Variants in USP12 observed in about 807,000 individuals in gnomAD.
USP12 encodes the protein ubiquitin specific peptidase 12, also known as ubiquitin carboxyl-terminal hydrolase 12.
In USP12, 19 loss-of-function variants were observed where a neutral mutation model predicts 45.5. The observed-to-expected ratio is 0.42, with a 90% CI of 0.29 to 0.61. The LOEUF (loss-of-function observed/expected upper bound fraction) is 0.61. Among genes scored for constraint, USP12 ranks in the 20% least tolerant of loss-of-function variants. The probability of loss-of-function intolerance (pLI) is 0.22; values close to 1 mark genes in which losing one functional copy is unlikely to be tolerated. For missense variants in USP12, 242 were observed against 447.7 expected (o/e 0.54, Z 4.15); for synonymous variants, 149 against 148.8 (o/e 1.00, Z -0.01).
rs1305118935 is a variant in USP12 at position 27,068,402 on chromosome 13, T to C, written c.*881A>G. The C allele has an allele frequency of 3.3e-5, 5 of 152,576 alleles. No homozygotes were observed. Among genetic ancestry groups the C allele is most frequent in the Non-Finnish European group, 7.3e-5 (5 of 68,034 alleles). The allele number at this position is 152,576 out of a possible 1,614,324, so 9.5% of individuals were successfully genotyped here. A position where few individuals can be genotyped will look rare whatever the true frequency, so the allele number is the denominator to read the frequency against. ...TTTAGCCAGAGATATCAGTTCCTCC[T>C]GAAAAAGGATATTTATCTCCTCTCA... On this transcript the variant is annotated 3_prime_UTR_variant, in exon 9 of 9. Coordinates refer to ENST00000282344, the MANE Select transcript of USP12 (RefSeq NM_182488.4).
chr13:27,135,132 A>G (rs1876742260), intron 1 of USP12, among the ~76,000 whole-genome samples: 1 of 152,118 alleles, frequency 6.6e-6, no homozygotes, highest in Non-Finnish European at 1.5e-5. Context: ...TAAGAAAAAT[A>G]CAAAAATTAG....
In USP12 at chr13:27,067,345, G is replaced by A. The variant is rs1194691389; in HGVS notation, c.*1938C>T. 6.6e-6 allele frequency: 1 copy of A among 152,080 alleles called. No homozygotes were observed. The highest frequency in any genetic ancestry group is 1.9e-4 in the East Asian group (1 of 5,198). 9.4% of individuals were successfully genotyped at this position (152,080 alleles called of 1,614,324 possible). A position where few individuals can be genotyped will look rare whatever the true frequency, so the allele number is the denominator to read the frequency against. ...GGTTTAAGCCTTCAAAATAAAAAGA[G>A]TGCATCCACTTCCACTGCCCTGACT... On this transcript the variant is annotated 3_prime_UTR_variant, in exon 9 of 9. Transcript: ENST00000282344.
At position 27,077,897 on chromosome 13, in the gene USP12, G is replaced by A. The variant is rs978352787; in HGVS notation, c.735-2509C>T. On this transcript the variant is annotated intron_variant, in intron 6 of 8. Coordinates refer to ENST00000282344, the MANE Select transcript of USP12 (RefSeq NM_182488.4). ...TTACATTAGGGAGGTCTTGATCACT[G>A]TCATTGTTTTAAAAAAAAAAGTGGT... 3.5e-4 allele frequency: 53 copies of A among 150,894 alleles called. 2 individuals are homozygous for A. The highest frequency in any genetic ancestry group is 1.2e-3 in the African/African-American group (51 of 41,080). 9.3% of individuals were successfully genotyped at this position (150,894 alleles called of 1,614,324 possible). A position where few individuals can be genotyped will look rare whatever the true frequency, so the allele number is the denominator to read the frequency against.
Position 27,076,608 on chromosome 13 carries a change from C to T in USP12, c.735-1220G>A, listed in dbSNP as rs545769598. ...GAAAGCATTCCCTTCATTTTTATTT[C>T]CCCACTATCTAGCAACATGCCTGAC... On this transcript the variant is annotated intron_variant, in intron 6 of 8. Coordinates refer to ENST00000282344, the MANE Select transcript of USP12 (RefSeq NM_182488.4). Among the ~76,000 whole-genome samples the T allele has an allele frequency of 2.6e-5, 4 of 152,250 alleles. No individual in the cohort carries two copies. In the South Asian group the frequency reaches 8.3e-4, roughly 32 times the overall value.
chr13:27,089,524 A>C (rs1874217104), intron 6 of USP12: 1 of 176,146 alleles, frequency 5.7e-6, no homozygotes, highest in African/African-American at 2.4e-5. Flanking sequence ...TAGGAAAAGC[A>C]GAAACTGGGG....
At position 27,069,649 on chromosome 13, in the gene USP12, CA is replaced by C. The variant is rs150652156; in HGVS notation, c.1012-266del. On this transcript the variant is annotated intron_variant, in intron 8 of 8. Coordinates refer to ENST00000282344, the MANE Select transcript of USP12 (RefSeq NM_182488.4). Reference sequence around the variant, plus strand: ...ACCACTAATAACTATTTTGGACCAACAAAATGGTAACTTCTAGGCTGGGCAC... The same window carrying C: ...ACCACTAATAACTATTTTGGACCAACAAATGGTAACTTCTAGGCTGGGCAC... Among the ~76,000 whole-genome samples the C allele has an allele frequency of 7.0e-3, 1,071 of 152,256 alleles. 15 individuals carry two copies. Among genetic ancestry groups the C allele is most frequent in the African/African-American group, 0.024 (1,014 of 41,546 alleles).
intron 1 of USP12, among the ~76,000 whole-genome samples, chr13:27,130,678 C>T (rs1420594835): frequency 1.3e-5 from 2 of 152,074 alleles, no homozygotes; most frequent in Non-Finnish European, 2.9e-5. Context: ...TTAAATCAAT[C>T]GTATCAACGG....
chr13:27,148,674 A>ATTT (rs1175635000), intron 1 of USP12, among the ~76,000 whole-genome samples: 1,211 of 87,802 alleles, frequency 0.014, 54 homozygotes, highest in Admixed American at 0.14. Flanking sequence ...AAAAAAAAAA[A>ATTT]ATTATATATA....
At chr13:27,117,882 A>T in intron 1 of USP12, 2 of 513,608 alleles carry the variant, frequency 3.9e-6, no homozygotes, top group Non-Finnish European at 7.8e-6. Flanking sequence ...CCTGAGCACC[A>T]TGGTGGGGGA....
chr13:27,093,870 C>T (rs1242533767), intron 4 of USP12, among the ~76,000 whole-genome samples: 3 of 152,258 alleles, frequency 2.0e-5, no homozygotes, highest in East Asian at 3.9e-4. Flanking sequence ...GTTATCAAGC[C>T]TTAAAAAGAC....
chr13:27,107,109 G>C (rs1033576677), intron 2 of USP12, among the ~76,000 whole-genome samples: 1 of 152,138 alleles, frequency 6.6e-6, no homozygotes, highest in Admixed American at 6.5e-5. Context: ...CGGATCACTT[G>C]AGGTTAGAAG....
At chr13:27,170,427 T>G (rs1216658638) in intron 1 of USP12, 2 of 398,068 alleles carry the variant, frequency 5.0e-6, no homozygotes, top group Admixed American at 8.8e-5. Context: ...CAGTGAGGCA[T>G]GAAACACAAG....
rs1873018532 is a variant in USP12, at chr13:27,066,849, G to T, written c.*2434C>A. The T allele has an allele frequency of 6.6e-6, 1 of 152,084 alleles. No homozygotes were observed. Among genetic ancestry groups the T allele is most frequent in the Admixed American group, 6.5e-5 (1 of 15,270 alleles). 9.4% of individuals were successfully genotyped at this position (152,084 alleles called of 1,614,324 possible). ...CAACCTCACGATGCTTTCTTCATGGGTCACTTTTCTTACTTACTATACCTG... is the reference window on the plus strand; with the variant it reads ...CAACCTCACGATGCTTTCTTCATGGTTCACTTTTCTTACTTACTATACCTG... On this transcript the variant is annotated 3_prime_UTR_variant, in exon 9 of 9. Transcript: ENST00000282344.
Position 27,168,508 on chromosome 13 carries a change from C to T in USP12, c.48+3084G>A, listed in dbSNP as rs148779889. 1.9e-3 allele frequency among the ~76,000 whole-genome samples: 284 copies of T among 152,326 alleles called. 1 individual carries two copies. Among genetic ancestry groups the T allele is most frequent in the Admixed American group, 2.7e-3 (42 of 15,298 alleles). Reference sequence around the variant, plus strand: ...CTGTCACTTTTCCCGTTATTTCACACTTATTAAGTATAATATTAAATATCA... The same window carrying T: ...CTGTCACTTTTCCCGTTATTTCACATTTATTAAGTATAATATTAAATATCA... On this transcript the variant is annotated intron_variant, in intron 1 of 8. Coordinates refer to ENST00000282344, the MANE Select transcript of USP12 (RefSeq NM_182488.4).
intron 1 of USP12, among the ~76,000 whole-genome samples, chr13:27,157,206 G>A (rs530389198): frequency 6.6e-6 from 1 of 152,238 alleles, no homozygotes; most frequent in African/African-American, 2.4e-5. Flanking sequence ...ATCATGTTTT[G>A]TTGGTTTTTT....
chr13:27,145,880 T>C (rs1258405753), intron 1 of USP12, among the ~76,000 whole-genome samples: 6 of 152,174 alleles, frequency 3.9e-5, no homozygotes, highest in African/African-American at 1.2e-4. Flanking sequence ...TTATAATTAA[T>C]GAAATTGTCT....
At chr13:27,115,715 G>C (rs929913151) in intron 2 of USP12, among the ~76,000 whole-genome samples, 7 of 152,074 alleles carry the variant, frequency 4.6e-5, no homozygotes, top group Non-Finnish European at 7.4e-5. Flanking sequence ...GTAATTACTA[G>C]AATTACCTCC....
In USP12 at chr13:27,130,048, A is replaced by G. The variant is rs1876421245; in HGVS notation, c.49-13452T>C. Among the ~76,000 whole-genome samples the G allele has an allele frequency of 1.3e-5, 2 of 152,202 alleles. 1 individual carries two copies. Among genetic ancestry groups the G allele is most frequent in the Non-Finnish European group, 2.9e-5 (2 of 68,036 alleles). Reference sequence around the variant, plus strand: ...ACCCAGGGCAGTAGTTGATGAAGGGAGAAGAGAGCACAGCATGCAAACCAG... The same window carrying G: ...ACCCAGGGCAGTAGTTGATGAAGGGGGAAGAGAGCACAGCATGCAAACCAG... On this transcript the variant is annotated intron_variant, in intron 1 of 8. Transcript: ENST00000282344.
At chr13:27,115,758 T>C (rs1176584805) in intron 2 of USP12, among the ~76,000 whole-genome samples, 1 of 152,208 alleles carries the variant, frequency 6.6e-6, no homozygotes, top group Non-Finnish European at 1.5e-5. Context: ...TCCCCACATT[T>C]CACACTTTTA....
Sources: gnomAD v4.1 joint callset for allele counts (sites outside exome capture counted in the v4.1 genomes callset) on GRCh38, gnomAD v4.1.1 for gene constraint, MANE v1.5 for transcripts, NCBI Gene and HGNC (gene_info 2026-07-23, HGNC 2026-07-21) for gene names.